KLHL29: variants seen among roughly 807,000 people sequenced by gnomAD.
The protein encoded by KLHL29 is kelch like family member 29, also known as kelch-like protein 29.
A neutral mutation model predicts 80.4 loss-of-function variants in KLHL29; 21 were observed. The observed-to-expected ratio is 0.26, with a 90% confidence interval of 0.19 to 0.38. The LOEUF is 0.38. Ranked by LOEUF, KLHL29 falls within the 10% of genes least tolerant of loss-of-function variation. The pLI is 1.00. For missense variants in KLHL29, 867 were observed against 1,223.9 expected (o/e 0.71, Z 4.35); for synonymous variants, 511 against 526.8 (o/e 0.97, Z 0.41).
At chr2:23,392,777 T>C (rs1198590699) in intron 1 of KLHL29, among the ~76,000 whole-genome samples, 3 of 152,194 alleles carry the variant, frequency 2.0e-5, no homozygotes, top group Non-Finnish European at 4.4e-5. Context: ...GCCTATGTCT[T>C]TGTTTTTTCC....
chr2:23,547,094 G>A (rs575501843), intron 2 of KLHL29, among the ~76,000 whole-genome samples: 7 of 152,302 alleles, frequency 4.6e-5, no homozygotes, highest in African/African-American at 9.6e-5. Flanking sequence ...GTGCCACAGC[G>A]GAAGGAGGGC....
chr2:23,501,913 A>T (rs1385197768), intron 2 of KLHL29, among the ~76,000 whole-genome samples: 1 of 152,180 alleles, frequency 6.6e-6, no homozygotes, highest in Non-Finnish European at 1.5e-5. Flanking sequence ...CTCCAGAAGC[A>T]GCCACTGATG....
chr2:23,589,039 T>G (rs1668188252), intron 3 of KLHL29, among the ~76,000 whole-genome samples: 1 of 152,268 alleles, frequency 6.6e-6, no homozygotes, highest in South Asian at 2.1e-4. Flanking sequence ...CGTGTGTTCC[T>G]CGAGCCCCAG....
chr2:23,513,288 G>A (rs1232219430), intron 2 of KLHL29, among the ~76,000 whole-genome samples: 2 of 152,206 alleles, frequency 1.3e-5, no homozygotes, highest in Admixed American at 6.5e-5. Flanking sequence ...AAATCTGCCA[G>A]AGACAATGAA....
intron 5 of KLHL29, among the ~76,000 whole-genome samples, chr2:23,676,349 A>AT (rs1440939694): frequency 1.3e-5 from 2 of 152,126 alleles, no homozygotes. Flanking sequence ...TGCCCGGCTA[A>AT]TTTTTTCTAT....
intron 3 of KLHL29, among the ~76,000 whole-genome samples, chr2:23,576,476 A>G (rs1667846543): frequency 6.6e-6 from 1 of 152,196 alleles, no homozygotes; most frequent in Admixed American, 6.5e-5. Context: ...AACGTTATGA[A>G]TATTGTGTTA....
chr2:23,520,633 A>T (rs1036174399), intron 2 of KLHL29, among the ~76,000 whole-genome samples: 5 of 152,208 alleles, frequency 3.3e-5, no homozygotes, highest in African/African-American at 1.2e-4. Flanking sequence ...GTGATTATTT[A>T]TACAAGTCTT....
chr2:23,411,350 G>C (rs1182787915), intron 1 of KLHL29, among the ~76,000 whole-genome samples: 1 of 149,034 alleles, frequency 6.7e-6, no homozygotes, highest in African/African-American at 2.5e-5. Flanking sequence ...CCCATGCCTG[G>C]AGTATATTGG....
chr2:23,692,670 G>T (rs1365662435), intron 7 of KLHL29, among the ~76,000 whole-genome samples: 2 of 152,208 alleles, frequency 1.3e-5, no homozygotes, highest in African/African-American at 2.4e-5. Flanking sequence ...GCATGAAGGG[G>T]AAAGAGTGCA....
intron 1 of KLHL29, among the ~76,000 whole-genome samples, chr2:23,452,000 G>A (rs1009900789): frequency 6.6e-6 from 1 of 151,794 alleles, no homozygotes; most frequent in Non-Finnish European, 1.5e-5. Flanking sequence ...AAGAGAAGGG[G>A]GAGGTGCCAC....
At chr2:23,544,150 C>T (rs1666922554) in intron 2 of KLHL29, among the ~76,000 whole-genome samples, 1 of 152,182 alleles carries the variant, frequency 6.6e-6, no homozygotes, top group Admixed American at 6.5e-5. Flanking sequence ...GAGGGAAGAA[C>T]AGGCCTGAGT....
At chr2:23,659,334 A>G (rs1428361229) in intron 5 of KLHL29, among the ~76,000 whole-genome samples, 1 of 152,174 alleles carries the variant, frequency 6.6e-6, no homozygotes, top group African/African-American at 2.4e-5. Context: ...ACAACTCTGA[A>G]GTAGGTATGT....
Position 23,703,358 on chromosome 2 carries a change from T to G in KLHL29, c.2278T>G (p.Phe760Val). ...SYVPQTNTWS[F>V]IESPMIDNKY... ...CGTTCCTCAGACCAACACGTGGAGCTTCATCGAGTCCCCAATGATTGGTGA... is the reference window on the plus strand; with the variant it reads ...CGTTCCTCAGACCAACACGTGGAGCGTCATCGAGTCCCCAATGATTGGTGA... The change falls in exon 12 of 14, where the codon TTC (phenylalanine) becomes GTC (valine). Residue 760 changes from phenylalanine (F) to valine (V), a missense_variant. By Grantham distance (50) the Phe-to-Val change is conservative. Coordinates refer to ENST00000486442, the MANE Select transcript of KLHL29 (RefSeq NM_052920.2). 2.0e-6 allele frequency: 3 copies of G among 1,516,798 alleles called. No homozygotes were observed. Among genetic ancestry groups the G allele is most frequent in the Non-Finnish European group, 2.6e-6 (3 of 1,133,544 alleles). The allele number at this position is 1,516,798 out of a possible 1,614,324, so 94.0% of individuals were successfully genotyped here. A position where few individuals can be genotyped will look rare whatever the true frequency, so the allele number is the denominator to read the frequency against.
chr2:23,406,155 C>A lies in KLHL29; in HGVS notation c.-154+20375C>A, dbSNP rs192724175. ...ACCAGCCTGACCAACATGATGAAAC[C>A]CCGTCTCTACTAAAATACAAAAATT... On this transcript the variant is annotated intron_variant, in intron 1 of 13. Transcript: ENST00000486442. Among the ~76,000 whole-genome samples, 14 of 151,966 alleles carry A rather than the reference C, an allele frequency of 9.2e-5. No individual in the cohort carries two copies. In the East Asian group the frequency reaches 2.7e-3, roughly 29 times the overall value.
intron 1 of KLHL29, among the ~76,000 whole-genome samples, chr2:23,394,846 T>TA (rs1666410243): frequency 6.6e-6 from 1 of 152,230 alleles, no homozygotes; most frequent in South Asian, 2.1e-4. Context: ...CTGCAAGGCT[T>TA]AGGTGTATCT....
intron 1 of KLHL29, among the ~76,000 whole-genome samples, chr2:23,441,115 G>A (rs535556094): frequency 2.2e-3 from 335 of 152,254 alleles, no homozygotes; most frequent in Non-Finnish European, 2.7e-3. Context: ...TTAAGAAAAT[G>A]TAGCATATAT....
At chr2:23,615,824 G>A (rs945843218) in intron 3 of KLHL29, among the ~76,000 whole-genome samples, 1 of 152,170 alleles carries the variant, frequency 6.6e-6, no homozygotes, top group Non-Finnish European at 1.5e-5. Flanking sequence ...GTTCAGCTGC[G>A]CCAGCCTTCC....
At chr2:23,413,176 T>A (rs1666906366) in intron 1 of KLHL29, among the ~76,000 whole-genome samples, 1 of 152,088 alleles carries the variant, frequency 6.6e-6, no homozygotes, top group South Asian at 2.1e-4. Flanking sequence ...ATACAAGGTG[T>A]TTTCTACTAA....
At chr2:23,524,363 A>AC in intron 2 of KLHL29, 1 of 187,130 alleles carries the variant, frequency 5.3e-6, no homozygotes, top group Non-Finnish European at 1.1e-5. Flanking sequence ...GTAGCAGGCC[A>AC]GGAAATACCT....
Sources: allele counts gnomAD v4.1 joint callset (sites outside exome capture counted in the v4.1 genomes callset), GRCh38; gene constraint gnomAD v4.1.1; transcripts MANE v1.5; gene names NCBI Gene and HGNC (gene_info 2026-07-23, HGNC 2026-07-21).